PRDM2: variants seen among roughly 807,000 people sequenced by gnomAD.
PRDM2 encodes PR/SET domain 2, also known as PR domain zinc finger protein 2.
In PRDM2, 30 loss-of-function variants were observed where a neutral mutation model predicts 130.0. The observed-to-expected ratio is 0.23, with a 90% confidence interval of 0.17 to 0.31. The LOEUF is 0.31. Ranked by LOEUF, PRDM2 falls within the 10% of genes least tolerant of loss-of-function variation. The pLI, the probability that PRDM2 is intolerant of heterozygous loss-of-function variation, is 1.00. For missense variants in PRDM2, 2,011 were observed against 2,108.4 expected (o/e 0.95, Z 0.90); for synonymous variants, 871 against 782.4 (o/e 1.11, Z -1.89).
At chr1:13,758,159 C>T (rs1480971935) in intron 6 of PRDM2, among the ~76,000 whole-genome samples, 12 of 151,878 alleles carry the variant, frequency 7.9e-5, no homozygotes, top group Non-Finnish European at 1.6e-4. Flanking sequence ...CTTAGTAAGT[C>T]GTAGCCAGGC....
At chr1:13,772,027 C>A (rs1031359714) in intron 6 of PRDM2, 1 of 152,090 alleles carries the variant, frequency 6.6e-6, no homozygotes, top group African/African-American at 2.4e-5. Context: ...TATATAGCAG[C>A]TTTAAGTCGT....
chr1:13,796,215 T>A (rs1052193861), intron 8 of PRDM2, among the ~76,000 whole-genome samples: 12 of 150,830 alleles, frequency 8.0e-5, no homozygotes, highest in Non-Finnish European at 1.6e-4. Context: ...GATGTGACTT[T>A]TGAGAAGAGC....
chr1:13,724,077 G>A (rs1421490236), intron 2 of PRDM2, among the ~76,000 whole-genome samples: 3 of 152,212 alleles, frequency 2.0e-5, no homozygotes, highest in Non-Finnish European at 2.9e-5. Flanking sequence ...GCTTCTAGGA[G>A]GCTAAAGTGT....
At position 13,808,220 on chromosome 1, in the gene PRDM2, G is replaced by A. The variant is rs140667240; in HGVS notation, c.5037-8207G>A. ...AAACAGTTGATGCTGGGCCGGGCGC[G>A]GTGGCTCACGCCTGTAATCCCCACA... is the stretch of plus-strand genomic sequence containing the variant. On this transcript the variant is annotated intron_variant, in intron 8 of 9. Transcript: ENST00000311066. Among the ~76,000 whole-genome samples the A allele has an allele frequency of 1.3e-4, 20 of 152,198 alleles. No homozygotes were observed. In the East Asian group the frequency reaches 3.5e-3, roughly 27 times the overall value.
chr1:13,731,110 C>T lies in PRDM2; in HGVS notation c.120C>T (p.Thr40=). ...VRLFPSAVDK[T]RIGVWATKPI... is the part of the protein sequence containing the mutation. ...TTTTCCCTTCTGCTGTTGACAAGACCCGGATTGGTGAGTGCTCCTCCTGTC... is the reference window on the plus strand; with the variant it reads ...TTTTCCCTTCTGCTGTTGACAAGACTCGGATTGGTGAGTGCTCCTCCTGTC... Residue 40 remains threonine (T), a synonymous_variant, in exon 3 of 10, where the codon ACC becomes ACT. Coordinates refer to ENST00000311066, the MANE Select transcript of PRDM2 (RefSeq NM_001393986.1). The T allele has an allele frequency of 3.1e-6, 5 of 1,612,426 alleles. No individual in the cohort carries two copies. The highest frequency in any genetic ancestry group is 4.2e-6 in the Non-Finnish European group (5 of 1,179,332).
intron 8 of PRDM2, among the ~76,000 whole-genome samples, chr1:13,792,110 T>G (rs773385725): frequency 2.2e-4 from 33 of 152,208 alleles, no homozygotes; most frequent in Non-Finnish European, 4.4e-4. Flanking sequence ...CAGGTGAATT[T>G]TAAAGCCCAG....
intron 8 of PRDM2, among the ~76,000 whole-genome samples, chr1:13,810,786 A>T (rs533707224): frequency 6.6e-6 from 1 of 151,144 alleles, no homozygotes; most frequent in Non-Finnish European, 1.5e-5. Context: ...GAGCCACCGC[A>T]CCTGGCTGAA....
At position 13,781,993 on chromosome 1, in the gene PRDM2, C is replaced by T; in HGVS notation, c.4198C>T (p.Pro1400Ser). Residue 1400 changes from proline (P) to serine (S), a missense_variant, in exon 8 of 10, where the codon CCC becomes TCC. Around this residue, in one of 5 missense-constraint regions of PRDM2, gnomAD observed 410 missense variants for 395.9 expected, o/e 1.04. Coordinates refer to ENST00000311066, the MANE Select transcript of PRDM2 (RefSeq NM_001393986.1). The surrounding 1 kb of genome is among the most constrained non-coding windows in gnomAD (Gnocchi z 6.1). ...AAATGCCTTCCGACGAATGGGACAG[C>T]CCAAAAGGCTTAACTTTAGTGTTGA... ...GKNAFRRMGQ[P>S]KRLNFSVELS... The T allele has an allele frequency of 1.2e-6, 2 of 1,614,128 alleles. No homozygotes were observed. The highest frequency in any genetic ancestry group is 8.5e-7 in the Non-Finnish European group (1 of 1,180,034).
At chr1:13,707,272 G>C (rs956453849) in intron 1 of PRDM2, among the ~76,000 whole-genome samples, 2 of 152,172 alleles carry the variant, frequency 1.3e-5, no homozygotes, top group Non-Finnish European at 2.9e-5. Context: ...CCGTGCTGCT[G>C]TAGTGTTCTT....
At chr1:13,723,531 T>C (rs1642802349) in intron 2 of PRDM2, among the ~76,000 whole-genome samples, 1 of 152,198 alleles carries the variant, frequency 6.6e-6, no homozygotes, top group African/African-American at 2.4e-5. Context: ...GCAGCAGGGT[T>C]TGGCTCTGTT....
intron 5 of PRDM2, among the ~76,000 whole-genome samples, chr1:13,743,122 G>A (rs953114958): frequency 3.9e-5 from 6 of 151,992 alleles, no homozygotes; most frequent in Admixed American, 2.6e-4. Flanking sequence ...AGATCCGGAC[G>A]GGCGCAGTGG....
intron 8 of PRDM2, 121 bp downstream of exon 8, chr1:13,782,952 T>C (rs1263029485): frequency 2.1e-4 from 320 of 1,558,248 alleles, no homozygotes; most frequent in Non-Finnish European, 2.7e-4. Flanking sequence ...GAAATAGCTG[T>C]TGTATAAGTT....
intron 7 of PRDM2, among the ~76,000 whole-genome samples, chr1:13,774,854 G>A (rs1184515340): frequency 6.6e-6 from 1 of 152,016 alleles, no homozygotes; most frequent in Non-Finnish European, 1.5e-5. Flanking sequence ...GTGGGCGCCT[G>A]TAGTCCGGGA....
intron 4 of PRDM2, among the ~76,000 whole-genome samples, chr1:13,736,491 C>G (rs1345125574): frequency 6.6e-6 from 1 of 151,820 alleles, no homozygotes; most frequent in East Asian, 1.9e-4. Flanking sequence ...TTTAACTAAG[C>G]CTTATGTTGG....
At chr1:13,777,087 C>T (rs1053579210) in intron 7 of PRDM2, among the ~76,000 whole-genome samples, 10 of 152,198 alleles carry the variant, frequency 6.6e-5, no homozygotes, top group Non-Finnish European at 1.3e-4. Context: ...CACATGCACA[C>T]AGACCACAGT....
intron 8 of PRDM2, chr1:13,787,006 A>G: frequency 1.0e-6 from 1 of 986,260 alleles, no homozygotes; most frequent in Non-Finnish European, 1.2e-6. Flanking sequence ...TAAATTAATT[A>G]TAGACAGAGA....
At position 13,781,392 on chromosome 1, in the gene PRDM2, A is replaced by G. The variant is rs1426369077; in HGVS notation, c.3597A>G (p.Glu1199=). The change falls in exon 8 of 10, where the codon GAA becomes GAG. Residue 1199 remains glutamate (E), a synonymous_variant. Transcript: ENST00000311066. The surrounding 1 kb of genome is among the most constrained non-coding windows in gnomAD (Gnocchi z 6.1). ...NIFVCSVCKK[E]FAFLCNLQQH... is the part of the protein sequence containing the mutation. ...TTGTGTGTTCTGTTTGTAAAAAAGA[A>G]TTTGCTTTTTTGTGCAATTTGCAGC... is the stretch of plus-strand genomic sequence containing the variant. 2 of 1,614,124 alleles carry G rather than the reference A, an allele frequency of 1.2e-6. No individual in the cohort carries two copies. The highest frequency in any genetic ancestry group is 1.7e-6 in the Non-Finnish European group (2 of 1,180,024).
chr1:13,721,400 T>C (rs1642725218), intron 2 of PRDM2, among the ~76,000 whole-genome samples: 1 of 151,888 alleles, frequency 6.6e-6, no homozygotes, highest in African/African-American at 2.4e-5. Flanking sequence ...ATATTATTAA[T>C]ATAGAAGTAT....
chr1:13,782,956 A>G (rs1330810625), intron 8 of PRDM2, 125 bp downstream of exon 8: 6 of 1,541,618 alleles, frequency 3.9e-6, no homozygotes, highest in Middle Eastern at 1.8e-4. Flanking sequence ...TAGCTGTTGT[A>G]TAAGTTAAAG....
Sources: allele counts gnomAD v4.1 joint callset (sites outside exome capture counted in the v4.1 genomes callset), GRCh38; gene constraint gnomAD v4.1.1; regional missense constraint gnomAD v4.1.1; non-coding constraint Gnocchi (gnomAD v3.1); transcripts MANE v1.5; gene names NCBI Gene and HGNC (gene_info 2026-07-23, HGNC 2026-07-21).